Variants in KCNQ5 observed in about 807,000 individuals in gnomAD.
The protein encoded by KCNQ5 is potassium voltage-gated channel subfamily KQT member 5.
A neutral mutation model predicts 98.2 loss-of-function variants in KCNQ5; 30 were observed. That is an observed-to-expected ratio of 0.31 (90% CI 0.23 to 0.41). The LOEUF (loss-of-function observed/expected upper bound fraction) is 0.41, where lower values mean the gene tolerates loss of function less well. Ranked by LOEUF, KCNQ5 falls within the 10% of genes least tolerant of loss-of-function variation. The pLI, the probability that KCNQ5 is intolerant of heterozygous loss-of-function variation, is 1.00. For missense variants in KCNQ5, 835 were observed against 1,182.5 expected, an observed-to-expected ratio of 0.71 and a Z score of 4.31; for synonymous variants, 458 against 449.4, an observed-to-expected ratio of 1.02 and a Z score of -0.24.
chr6:73,083,949 A>T (rs904447099), intron 5 of KCNQ5, among the ~76,000 whole-genome samples: 3 of 152,168 alleles, frequency 2.0e-5, no homozygotes, highest in African/African-American at 7.2e-5. Flanking sequence ...AAATGCTTTG[A>T]CTCAGGAAGT....
chr6:73,135,959 A>G (rs1406091240), intron 10 of KCNQ5: 3 of 152,146 alleles, frequency 2.0e-5, no homozygotes, highest in African/African-American at 7.2e-5. Flanking sequence ...CACTCTAATA[A>G]CCTCATTTTA....
At chr6:72,928,521 G>T (rs965179763) in intron 1 of KCNQ5, among the ~76,000 whole-genome samples, 7 of 151,994 alleles carry the variant, frequency 4.6e-5, no homozygotes, top group African/African-American at 1.7e-4. Flanking sequence ...AATTTTTAAA[G>T]AAAATTCACT....
intron 9 of KCNQ5, among the ~76,000 whole-genome samples, chr6:73,131,359 T>C (rs970501897): frequency 6.6e-6 from 1 of 152,126 alleles, no homozygotes; most frequent in Non-Finnish European, 1.5e-5. Context: ...GAAAATAATT[T>C]GATATTAACT....
chr6:72,633,796 G>T (rs2098922432), intron 1 of KCNQ5, among the ~76,000 whole-genome samples: 1 of 152,156 alleles, frequency 6.6e-6, no homozygotes, highest in South Asian at 2.1e-4. Context: ...GGGCTCCCCA[G>T]TTCAATAAAT....
At chr6:73,192,466 G>A (rs994193689) in intron 12 of KCNQ5, 99 bp from the exon 13 acceptor site, 2 of 1,031,274 alleles carry the variant, frequency 1.9e-6, no homozygotes, top group African/African-American at 3.3e-5. Context: ...ATAAATTGAA[G>A]ATAACTGTAT....
chr6:72,691,812 G>A (rs566890525), intron 1 of KCNQ5, among the ~76,000 whole-genome samples: 1 of 152,302 alleles, frequency 6.6e-6, no homozygotes, highest in East Asian at 1.9e-4. Context: ...TTAGTTCTTA[G>A]TGGATTTTGA....
intron 1 of KCNQ5, among the ~76,000 whole-genome samples, chr6:72,685,477 G>C (rs756979374): frequency 1.2e-4 from 19 of 152,098 alleles, no homozygotes; most frequent in Non-Finnish European, 2.1e-4. Context: ...TCCCGTTCCT[G>C]GCCCCCTGAC....
At chr6:73,094,330 G>C (rs183403097) in intron 5 of KCNQ5, among the ~76,000 whole-genome samples, 1 of 152,246 alleles carries the variant, frequency 6.6e-6, no homozygotes, top group East Asian at 1.9e-4. Context: ...GCAGGTAGTT[G>C]GTTGGTGAAT....
intron 1 of KCNQ5, among the ~76,000 whole-genome samples, chr6:72,971,264 A>T (rs1767884096): frequency 2.0e-5 from 3 of 152,248 alleles, no homozygotes; most frequent in Admixed American, 1.3e-4. Context: ...ATCACTGGCC[A>T]TCAGAGAAAT....
chr6:73,186,111 C>T (rs74602921), intron 11 of KCNQ5, among the ~76,000 whole-genome samples: 4,729 of 152,034 alleles, frequency 0.031, 109 homozygotes, highest in East Asian at 0.11. Flanking sequence ...CCTTGTAGGC[C>T]CAGCTACTTG....
intron 10 of KCNQ5, among the ~76,000 whole-genome samples, chr6:73,147,804 G>A (rs1366099498): frequency 6.6e-6 from 1 of 151,974 alleles, no homozygotes; most frequent in African/African-American, 2.4e-5. Context: ...ACAAATGAGA[G>A]GCATCACAGA....
intron 1 of KCNQ5, among the ~76,000 whole-genome samples, chr6:72,813,688 G>A (rs972341133): frequency 5.3e-5 from 8 of 152,094 alleles, no homozygotes; most frequent in African/African-American, 1.4e-4. Context: ...TTAAGTCCCC[G>A]ATATAAAATA....
intron 1 of KCNQ5, among the ~76,000 whole-genome samples, chr6:72,654,894 T>C (rs558829648): frequency 3.9e-5 from 6 of 152,116 alleles, no homozygotes; most frequent in Non-Finnish European, 7.4e-5. Flanking sequence ...TAAATTGTAA[T>C]TAAGTATGCT....
At chr6:73,050,330 GGGAGGGAGGGAA>G (rs1389361768) in intron 3 of KCNQ5, among the ~76,000 whole-genome samples, 3 of 148,390 alleles carry the variant, frequency 2.0e-5, no homozygotes, top group Non-Finnish European at 4.5e-5. Context: ...AAGGAAGGAA[GGGAGGGAGGGAA>G]GGAGGGAGGG....
intron 12 of KCNQ5, 104 bp downstream of exon 12, chr6:73,190,808 T>C: frequency 1.5e-6 from 1 of 662,728 alleles, no homozygotes; most frequent in Non-Finnish European, 2.3e-6. Context: ...TATTTTTCAT[T>C]CATTTTTAGT....
rs1457176533 is a variant in KCNQ5, at chr6:73,133,520, C to T, written c.1347C>T (p.Ser449=). The T allele has an allele frequency of 3.1e-6, 5 of 1,614,174 alleles. No homozygotes were observed. The highest frequency in any genetic ancestry group is 4.2e-6 in the Non-Finnish European group (5 of 1,180,028). The change falls in exon 10 of 14, where the codon AGC becomes AGT. Residue 449 remains serine, a synonymous_variant. Coordinates refer to ENST00000370398, the MANE Select transcript of KCNQ5 (RefSeq NM_019842.4). ...QASVGDRRSP[S]TDITAEGSPT... ...CAGTAGGTGACAGGAGGTCCCCAAGCACCGACATCACAGCCGAGGGCAGTC... is the reference window on the plus strand; with the variant it reads ...CAGTAGGTGACAGGAGGTCCCCAAGTACCGACATCACAGCCGAGGGCAGTC...
intron 1 of KCNQ5, chr6:72,986,381 C>G: frequency 4.7e-6 from 2 of 428,626 alleles, no homozygotes; most frequent in South Asian, 1.2e-4. Flanking sequence ...ACAAAGCAGA[C>G]CTGGGCCCTG....
intron 1 of KCNQ5, among the ~76,000 whole-genome samples, chr6:72,836,724 T>C (rs1226226222): frequency 6.6e-6 from 1 of 152,206 alleles, no homozygotes; most frequent in Non-Finnish European, 1.5e-5. Flanking sequence ...AACACTTTGA[T>C]ATATTTTATA....
At chr6:72,875,030 T>A (rs1778355137) in intron 1 of KCNQ5, among the ~76,000 whole-genome samples, 1 of 152,198 alleles carries the variant, frequency 6.6e-6, no homozygotes, top group Non-Finnish European at 1.5e-5. Flanking sequence ...TCCCTTTGAT[T>A]GTCTAAACTG....
Sources: gnomAD v4.1 joint callset for allele counts (sites outside exome capture counted in the v4.1 genomes callset) on GRCh38, gnomAD v4.1.1 for gene constraint, MANE v1.5 for transcripts, NCBI Gene and HGNC (gene_info 2026-07-23, HGNC 2026-07-21) for gene names.